RBFOX1: variants seen among roughly 807,000 people sequenced by gnomAD.
The protein encoded by RBFOX1 is RNA binding protein fox-1 homolog 1.
A neutral mutation model predicts 57.7 loss-of-function variants in RBFOX1; 8 were observed. That is an observed-to-expected ratio of 0.14 (90% confidence interval 0.08 to 0.25). The LOEUF is 0.25. Among genes scored for constraint, RBFOX1 ranks in the 10% least tolerant of loss-of-function variants. The probability of loss-of-function intolerance (pLI) is 1.00; values close to 1 mark genes in which losing one functional copy is unlikely to be tolerated. For synonymous variants in RBFOX1, 326 were observed against 222.4 expected (o/e 1.47, Z -4.15); for missense variants, 611 against 548.5 (o/e 1.11, Z -1.14).
At chr16:5,302,849 G>C (rs1306499376) in intron 1 of RBFOX1, among the ~76,000 whole-genome samples, 2 of 152,104 alleles carry the variant, frequency 1.3e-5, no homozygotes, top group Non-Finnish European at 1.5e-5. Flanking sequence ...CTTATAAACA[G>C]CATATAGTTA....
intron 4 of RBFOX1, among the ~76,000 whole-genome samples, chr16:7,225,195 T>C (rs28611182): frequency 0.051 from 7,728 of 152,218 alleles, 238 homozygotes; most frequent in South Asian, 0.086. Context: ...AGTTTGTAAG[T>C]GCACGTGATC....
At chr16:5,243,074 C>A (rs2062208353) in intron 1 of RBFOX1, among the ~76,000 whole-genome samples, 1 of 151,934 alleles carries the variant, frequency 6.6e-6, no homozygotes, top group Non-Finnish European at 1.5e-5. Flanking sequence ...AAACACCCAC[C>A]CCATTGAGAA....
At chr16:6,127,817 T>G (rs1278939978) in intron 1 of RBFOX1, among the ~76,000 whole-genome samples, 1 of 152,220 alleles carries the variant, frequency 6.6e-6, no homozygotes, top group Non-Finnish European at 1.5e-5. Context: ...TACTTTGGTT[T>G]GCATTTGTAA....
intron 4 of RBFOX1, among the ~76,000 whole-genome samples, chr16:7,295,112 GATAC>G (rs2095864714): frequency 6.6e-6 from 1 of 152,200 alleles, no homozygotes; most frequent in African/African-American, 2.4e-5. Flanking sequence ...TGTTGTGTGA[GATAC>G]AGTTGGTGAA....
chr16:5,884,664 T>C, intron 4 of RBFOX1, among the ~76,000 whole-genome samples: 1 of 152,128 alleles, frequency 6.6e-6, no homozygotes. Flanking sequence ...TGGAGTCGAA[T>C]AAATCAGATT....
chr16:7,341,776 C>CTTCCTTCCTTCCTTCCTTCCTTCCT (rs1568306565), intron 4 of RBFOX1, among the ~76,000 whole-genome samples: 2 of 95,120 alleles, frequency 2.1e-5, no homozygotes, highest in African/African-American at 8.1e-5. Context: ...CCCTCCCTCC[C>CTTCCTTCCTTCCTTCCTTCCTTCCT]TCCTTCCTTC....
chr16:5,393,830 A>T (rs2066477738), intron 1 of RBFOX1, among the ~76,000 whole-genome samples: 1 of 152,100 alleles, frequency 6.6e-6, no homozygotes, highest in Non-Finnish European at 1.5e-5. Context: ...GAACTTTTTC[A>T]TCTTCCCAAA....
intron 2 of RBFOX1, among the ~76,000 whole-genome samples, chr16:6,487,701 ATATATAT>A (rs1404597068): frequency 2.4e-3 from 11 of 4,510 alleles, no homozygotes; most frequent in African/African-American, 3.0e-3. Context: ...AAAAAAAAAA[ATATATAT>A]ATATATATAT....
chr16:5,384,358 C>G (rs12926405), intron 1 of RBFOX1, among the ~76,000 whole-genome samples: 1 of 151,940 alleles, frequency 6.6e-6, no homozygotes, highest in Non-Finnish European at 1.5e-5. Flanking sequence ...ACAGTCTGGC[C>G]AATGTCAGTC....
At position 7,507,577 on chromosome 16, in the gene RBFOX1, T is replaced by TTTG. The variant is rs1555529561; in HGVS notation, c.28-10568_28-10567insGTT. On this transcript the variant is annotated intron_variant, in intron 4 of 15. Transcript: ENST00000550418. Reference sequence around the variant, plus strand: ...TTTTTCTTTCTTTCTTTTTTTTTTTTTTTTGAGACGGAGTCTTGCTGTGTC... The same window carrying TTTG: ...TTTTTCTTTCTTTCTTTTTTTTTTTTTTGTTTTGAGACGGAGTCTTGCTGTGTC... Among the ~76,000 whole-genome samples the TTTG allele has an allele frequency of 3.4e-3, 503 of 146,472 alleles. 10 individuals carry two copies. Among genetic ancestry groups the TTTG allele is most frequent in the African/African-American group, 0.012 (487 of 39,990 alleles).
chr16:6,867,448 G>C (rs999950162), intron 3 of RBFOX1, among the ~76,000 whole-genome samples: 12 of 151,962 alleles, frequency 7.9e-5, no homozygotes, highest in Non-Finnish European at 1.5e-4. Flanking sequence ...GCCGGGTGTG[G>C]GGGCTCACTC....
chr16:6,659,495 A>T (rs1211990726), intron 3 of RBFOX1, among the ~76,000 whole-genome samples: 4 of 152,128 alleles, frequency 2.6e-5, no homozygotes, highest in Admixed American at 1.3e-4. Context: ...CCGAATACTT[A>T]AAACAGTTGT....
chr16:6,601,198 A>G (rs932910458), intron 2 of RBFOX1, among the ~76,000 whole-genome samples: 5 of 152,212 alleles, frequency 3.3e-5, no homozygotes, highest in Admixed American at 2.0e-4. Flanking sequence ...TGTTTTTTTA[A>G]GATCATGAAA....
chr16:6,662,544 C>A (rs1175242944), intron 3 of RBFOX1, among the ~76,000 whole-genome samples: 4 of 152,110 alleles, frequency 2.6e-5, no homozygotes, highest in African/African-American at 9.7e-5. Flanking sequence ...GAGGTACCTT[C>A]AGGCAGTTCA....
intron 2 of RBFOX1, among the ~76,000 whole-genome samples, chr16:6,457,478 G>C (rs2094806405): frequency 6.8e-6 from 1 of 147,808 alleles, no homozygotes; most frequent in African/African-American, 2.5e-5. Context: ...ATGGAGAGAA[G>C]TGTGCCTTCC....
intron 3 of RBFOX1, among the ~76,000 whole-genome samples, chr16:5,729,662 T>C (rs1260858106): frequency 6.6e-6 from 1 of 152,164 alleles, no homozygotes; most frequent in Non-Finnish European, 1.5e-5. Flanking sequence ...AGGAGGAAAC[T>C]GGCCACAAAC....
chr16:6,744,460 T>A (rs574971684), intron 3 of RBFOX1, among the ~76,000 whole-genome samples: 3 of 152,124 alleles, frequency 2.0e-5, no homozygotes, highest in African/African-American at 4.8e-5. Context: ...GAACTATTTT[T>A]TTTAATCAAT....
At chr16:6,238,859 T>C (rs1286465358) in intron 1 of RBFOX1, among the ~76,000 whole-genome samples, 2 of 152,216 alleles carry the variant, frequency 1.3e-5, no homozygotes, top group African/African-American at 4.8e-5. Flanking sequence ...ACGGAGAATG[T>C]GGTCTCCATC....
chr16:7,345,401 C>A (rs1410522164), intron 4 of RBFOX1, among the ~76,000 whole-genome samples: 3 of 152,156 alleles, frequency 2.0e-5, no homozygotes, highest in African/African-American at 4.8e-5. Context: ...GTTCGGGCAG[C>A]CCTGTATTTG....
Sources: allele counts gnomAD v4.1 joint callset (sites outside exome capture counted in the v4.1 genomes callset), GRCh38; gene constraint gnomAD v4.1.1; transcripts MANE v1.5; gene names NCBI Gene and HGNC (gene_info 2026-07-23, HGNC 2026-07-21).